The following ADAM12 variants were observed in gnomAD, a reference collection of about 807,000 sequenced individuals.
The protein encoded by ADAM12 is disintegrin and metalloproteinase domain-containing protein 12.
Under a neutral mutation model 106.4 loss-of-function variants are expected in ADAM12, and 70 were observed. The ratio of observed to expected loss-of-function variants is 0.66; its 90% confidence interval spans 0.54 to 0.80. The LOEUF (loss-of-function observed/expected upper bound fraction) is 0.80. Among genes scored for constraint, ADAM12 ranks in the 30% least tolerant of loss-of-function variants. The pLI, the probability that ADAM12 is intolerant of heterozygous loss-of-function variation, is 0.00. For missense variants in ADAM12, 1,010 were observed against 1,171.9 expected (o/e 0.86, Z 2.02); for synonymous variants, 420 against 433.5 (o/e 0.97, Z 0.39).
chr10:126,086,606 T>G (rs1278360), intron 11 of ADAM12, among the ~76,000 whole-genome samples: 1 of 123,858 alleles, frequency 8.1e-6, no homozygotes, highest in Non-Finnish European at 1.6e-5. Flanking sequence ...GAACCTGGGA[T>G]GCAGAGGTTG....
At chr10:126,116,806 G>T (rs1955991867) in intron 6 of ADAM12, among the ~76,000 whole-genome samples, 1 of 152,134 alleles carries the variant, frequency 6.6e-6, no homozygotes. Context: ...AGTTTTAGGG[G>T]AACAGACATC....
intron 3 of ADAM12, among the ~76,000 whole-genome samples, chr10:126,251,726 G>T (rs111210247): frequency 8.0e-3 from 1,210 of 150,636 alleles, no homozygotes; most frequent in African/African-American, 0.02. Context: ...GATAGGATGG[G>T]ATGGATGGAT....
At chr10:126,358,827 C>T (rs913582990) in intron 1 of ADAM12, among the ~76,000 whole-genome samples, 2 of 152,116 alleles carry the variant, frequency 1.3e-5, no homozygotes, top group Non-Finnish European at 2.9e-5. Context: ...ACAAAAAAAT[C>T]AGTAGCATTT....
chr10:126,188,369 T>C (rs918794723), intron 3 of ADAM12, among the ~76,000 whole-genome samples: 10 of 152,228 alleles, frequency 6.6e-5, no homozygotes, highest in African/African-American at 2.2e-4. Flanking sequence ...CAAGACTCAG[T>C]GTGGTCTCAT....
chr10:126,175,835 C>A (rs938095661), intron 3 of ADAM12, among the ~76,000 whole-genome samples: 1 of 152,204 alleles, frequency 6.6e-6, no homozygotes. Flanking sequence ...AAGGCTCTCC[C>A]TTACCACTCT....
At chr10:126,231,156 G>A (rs1565154336) in intron 3 of ADAM12, among the ~76,000 whole-genome samples, 1 of 152,088 alleles carries the variant, frequency 6.6e-6, no homozygotes, top group Non-Finnish European at 1.5e-5. Context: ...TACTTTAATA[G>A]CTTTAGTTTT....
At chr10:126,366,435 A>G (rs1256479186) in intron 1 of ADAM12, among the ~76,000 whole-genome samples, 1 of 151,396 alleles carries the variant, frequency 6.6e-6, no homozygotes, top group African/African-American at 2.4e-5. Context: ...CTAAAATATA[A>G]TAATAAAATG....
chr10:126,263,201 T>G (rs1959034844), intron 3 of ADAM12, among the ~76,000 whole-genome samples: 1 of 152,226 alleles, frequency 6.6e-6, no homozygotes, highest in Non-Finnish European at 1.5e-5. Context: ...AGGATCAGTT[T>G]AAGCATTCCT....
chr10:126,202,788 T>C (rs1255650085), intron 3 of ADAM12, among the ~76,000 whole-genome samples: 1 of 152,146 alleles, frequency 6.6e-6, no homozygotes, highest in African/African-American at 2.4e-5. Context: ...TGGCTTCAAG[T>C]TGTATAAAGT....
At chr10:126,039,758 C>CCAT (rs2133406908) in intron 18 of ADAM12, among the ~76,000 whole-genome samples, 1 of 152,344 alleles carries the variant, frequency 6.6e-6, no homozygotes, top group East Asian at 1.9e-4. Context: ...TAGCAGGGAG[C>CCAT]CATCACTGAA....
intron 1 of ADAM12, among the ~76,000 whole-genome samples, chr10:126,387,191 C>A (rs1856693224): frequency 6.6e-6 from 1 of 152,134 alleles, no homozygotes; most frequent in Admixed American, 6.5e-5. Flanking sequence ...AGAAAGAAGG[C>A]GGCGGCGGCG....
Position 126,312,241 on chromosome 10 carries a change from G to A in ADAM12, c.186+18171C>T, listed in dbSNP as rs1294869327. On this transcript the variant is annotated intron_variant, in intron 2 of 22. Coordinates refer to ENST00000448723, the MANE Select transcript of ADAM12 (RefSeq NM_001288973.2). ...GCTGCAATGAGACGACGTCAGAGAGGCTGTGAGAAACCCATGGCAGAGCAC... is the reference window on the plus strand; with the variant it reads ...GCTGCAATGAGACGACGTCAGAGAGACTGTGAGAAACCCATGGCAGAGCAC... Among the ~76,000 whole-genome samples, 4 of 152,100 alleles carry A rather than the reference G, an allele frequency of 2.6e-5. No individual in the cohort carries two copies. The East Asian group carries it at 7.7e-4, about 29-fold the overall frequency.
chr10:126,277,787 G>GA (rs755621289), intron 3 of ADAM12, among the ~76,000 whole-genome samples: 3 of 151,872 alleles, frequency 2.0e-5, no homozygotes, highest in South Asian at 2.1e-4. Flanking sequence ...AAGAATGTAA[G>GA]AAAAAAAACA....
chr10:126,017,199 A>G lies in ADAM12; in HGVS notation c.*80T>C. On this transcript the variant is annotated 3_prime_UTR_variant, in exon 23 of 23. Transcript: ENST00000448723. ...TTTAAACATTAAAAAAAATCCTAAA[A>G]GTTGGTACAAAAAACTCCAACTGGA... is the stretch of plus-strand genomic sequence containing the variant. 1.5e-6 allele frequency: 2 copies of G among 1,319,634 alleles called. No individual in the cohort carries two copies. The highest frequency in any genetic ancestry group is 2.1e-6 in the Non-Finnish European group (2 of 957,320). The allele number at this position is 1,319,634 out of a possible 1,614,324, so 81.7% of individuals were successfully genotyped here.
Position 126,049,590 on chromosome 10 carries a change from C to T in ADAM12, c.1689G>A (p.Ser563=), listed in dbSNP as rs781611901. The T allele has an allele frequency of 1.7e-5, 27 of 1,614,094 alleles. No individual in the cohort carries two copies. Among genetic ancestry groups the T allele is most frequent in the Admixed American group, 1.5e-4 (9 of 60,010 alleles). Residue 563 remains serine, a synonymous_variant, in exon 15 of 23, where the codon TCG becomes TCA. Transcript: ENST00000448723. This position sits in a 1 kb window ranked among gnomAD's most constrained non-coding sequence, Gnocchi z 4.4. ...GDPYGNCGKV[S]KSSFAKCEMR... is the part of the protein sequence containing the mutation. The stretch of plus-strand genomic sequence containing the variant: ...TCTCGCATTTGGCAAAGGAACTCTT[C>T]GAGACTTTGCCACAGTTGCCATAAG...
chr10:126,132,194 C>T (rs567168885), intron 5 of ADAM12, among the ~76,000 whole-genome samples: 81 of 152,080 alleles, frequency 5.3e-4, no homozygotes, highest in Non-Finnish European at 1.0e-3. Context: ...AGAATGGTCT[C>T]GATCTCTTGA....
intron 3 of ADAM12, among the ~76,000 whole-genome samples, chr10:126,161,697 AG>A (rs1208406068): frequency 6.6e-6 from 1 of 152,114 alleles, no homozygotes; most frequent in Admixed American, 6.5e-5. Flanking sequence ...CGCTGGATGG[AG>A]GTTTTCTAAG....
chr10:126,111,112 G>T (rs898785981), intron 6 of ADAM12, among the ~76,000 whole-genome samples: 2 of 152,298 alleles, frequency 1.3e-5, no homozygotes, highest in South Asian at 4.1e-4. Flanking sequence ...AAAAATGTTT[G>T]TATTATAGCA....
chr10:126,250,396 G>A (rs527409850), intron 3 of ADAM12, among the ~76,000 whole-genome samples: 45 of 151,914 alleles, frequency 3.0e-4, no homozygotes, highest in African/African-American at 9.7e-4. Flanking sequence ...GTGTGTGAGC[G>A]TGTGTGTGTG....
Sources: allele counts gnomAD v4.1 joint callset (sites outside exome capture counted in the v4.1 genomes callset), GRCh38; gene constraint gnomAD v4.1.1; non-coding constraint Gnocchi (gnomAD v3.1); transcripts MANE v1.5; gene names NCBI Gene and HGNC (gene_info 2026-07-23, HGNC 2026-07-21).